POU2F1: variants seen among roughly 807,000 people sequenced by gnomAD.
POU2F1 encodes POU domain, class 2, transcription factor 1.
A neutral mutation model predicts 84.9 loss-of-function variants in POU2F1; 16 were observed. That is an observed-to-expected ratio of 0.19 (90% CI 0.13 to 0.29). The LOEUF is 0.29. POU2F1 is among the 10% of genes least tolerant of loss of function. The probability of loss-of-function intolerance (pLI) is 1.00; values close to 1 mark genes in which losing one functional copy is unlikely to be tolerated. For missense variants in POU2F1, 738 were observed against 942.6 expected, an observed-to-expected ratio of 0.78 and a Z score of 2.84; for synonymous variants, 368 against 368.3, an observed-to-expected ratio of 1.00 and a Z score of 0.01.
intron 1 of POU2F1, among the ~76,000 whole-genome samples, chr1:167,325,227 A>G (rs1656614547): frequency 6.6e-6 from 1 of 152,194 alleles, no homozygotes; most frequent in Non-Finnish European, 1.5e-5. Flanking sequence ...AAAGAGATGA[A>G]GGTTGGAAAG....
At chr1:167,297,957 T>TA (rs879907001) in intron 1 of POU2F1, among the ~76,000 whole-genome samples, 306 of 144,140 alleles carry the variant, frequency 2.1e-3, no homozygotes, top group Middle Eastern at 0.011. Flanking sequence ...CCGTCTCTAC[T>TA]AAAAAAAAAA....
chr1:167,389,552 G>T, intron 8 of POU2F1, 36 bp from the exon 9 acceptor site: 1 of 1,610,860 alleles, frequency 6.2e-7, no homozygotes, highest in African/African-American at 1.3e-5. Context: ...ATCTCTTCAC[G>T]TGTTTTTCCT....
chr1:167,310,156 A>G (rs1371769844), intron 1 of POU2F1, among the ~76,000 whole-genome samples: 3 of 152,198 alleles, frequency 2.0e-5, no homozygotes, highest in Non-Finnish European at 4.4e-5. Flanking sequence ...TAGCAAATAT[A>G]AAAAGAATAT....
Position 167,416,095 on chromosome 1 carries a change from A to C in POU2F1, c.*285A>C. The C allele has an allele frequency of 1.8e-6, 1 of 549,616 alleles. No individual in the cohort carries two copies. The allele number at this position is 549,616 out of a possible 1,614,324, so 34.0% of individuals were successfully genotyped here. A position where few individuals can be genotyped will look rare whatever the true frequency, so the allele number is the denominator to read the frequency against. On this transcript the variant is annotated 3_prime_UTR_variant, in exon 16 of 16. Coordinates refer to ENST00000367866, the MANE Select transcript of POU2F1 (RefSeq NM_002697.4). Reference sequence around the variant, plus strand: ...ACTTTCTAACCAAAAATTAAAAAAAAAAAAAAAAAAAGAAACAAAAAAATC... The same window carrying C: ...ACTTTCTAACCAAAAATTAAAAAAACAAAAAAAAAAAGAAACAAAAAAATC...
intron 1 of POU2F1, among the ~76,000 whole-genome samples, chr1:167,295,192 G>A (rs960456988): frequency 2.0e-5 from 3 of 151,830 alleles, no homozygotes; most frequent in African/African-American, 7.3e-5. Flanking sequence ...CTACCCAGAG[G>A]AAAAGAAATC....
chr1:167,312,142 T>G (rs1326650291), intron 1 of POU2F1, among the ~76,000 whole-genome samples: 3 of 151,970 alleles, frequency 2.0e-5, no homozygotes, highest in African/African-American at 7.3e-5. Context: ...TTCACCATTT[T>G]GGTCAGGCTG....
intron 1 of POU2F1, among the ~76,000 whole-genome samples, chr1:167,277,867 CCTGT>C (rs1384670297): frequency 9.9e-5 from 15 of 152,164 alleles, no homozygotes; most frequent in Admixed American, 2.0e-4. Context: ...TGTACTAAGG[CCTGT>C]CTATTTGACA....
chr1:167,317,428 C>A (rs1655983470), intron 1 of POU2F1, among the ~76,000 whole-genome samples: 1 of 152,194 alleles, frequency 6.6e-6, no homozygotes, highest in Non-Finnish European at 1.5e-5. Context: ...TAAAGACACA[C>A]ACACACAAAT....
At chr1:167,363,904 G>C (rs1163295956) in intron 2 of POU2F1, among the ~76,000 whole-genome samples, 3 of 152,160 alleles carry the variant, frequency 2.0e-5, no homozygotes, top group Non-Finnish European at 4.4e-5. Context: ...CGTTAGCACT[G>C]TCTTACAAAC....
chr1:167,243,605 A>G (rs1650078587), intron 1 of POU2F1, among the ~76,000 whole-genome samples: 1 of 152,160 alleles, frequency 6.6e-6, no homozygotes, highest in Non-Finnish European at 1.5e-5. Context: ...CCTCCCGAGT[A>G]GCTGGGATTA....
intron 2 of POU2F1, among the ~76,000 whole-genome samples, chr1:167,337,747 T>C (rs761336392): frequency 3.3e-5 from 5 of 150,302 alleles, no homozygotes; most frequent in Non-Finnish European, 5.9e-5. Context: ...AGAAAGGATA[T>C]CTGCCTGAAC....
chr1:167,229,332 G>A (rs1184409289), intron 1 of POU2F1, among the ~76,000 whole-genome samples: 1 of 152,124 alleles, frequency 6.6e-6, no homozygotes, highest in African/African-American at 2.4e-5. Context: ...GCCATTTGGG[G>A]AGTAAGTCAG....
At chr1:167,380,542 A>G (rs1232606300) in intron 7 of POU2F1, 1 of 152,240 alleles carries the variant, frequency 6.6e-6, no homozygotes, top group Admixed American at 6.5e-5. Flanking sequence ...AGATTATTCA[A>G]CAATGTAGAG....
intron 3 of POU2F1, among the ~76,000 whole-genome samples, chr1:167,369,888 A>G (rs1366952875): frequency 1.3e-5 from 2 of 152,326 alleles, no homozygotes; most frequent in Admixed American, 6.5e-5. Flanking sequence ...GGAGCATTCA[A>G]TACAAGTGTG....
intron 1 of POU2F1, among the ~76,000 whole-genome samples, chr1:167,238,477 A>T (rs1315070564): frequency 6.6e-6 from 1 of 152,102 alleles, no homozygotes; most frequent in African/African-American, 2.4e-5. Flanking sequence ...TATAAACAGG[A>T]CCCTATGTAA....
intron 1 of POU2F1, among the ~76,000 whole-genome samples, chr1:167,239,127 C>T (rs1649720250): frequency 6.6e-6 from 1 of 152,210 alleles, no homozygotes; most frequent in East Asian, 1.9e-4. Context: ...CTACCTATCC[C>T]TTCTACCAAA....
chr1:167,275,621 C>A (rs919153387), intron 1 of POU2F1, among the ~76,000 whole-genome samples: 1 of 152,058 alleles, frequency 6.6e-6, no homozygotes, highest in Non-Finnish European at 1.5e-5. Context: ...TTTGAATCAC[C>A]TGGCAGAACT....
intron 1 of POU2F1, among the ~76,000 whole-genome samples, chr1:167,293,305 A>G (rs1308957987): frequency 6.6e-6 from 1 of 152,240 alleles, no homozygotes; most frequent in Admixed American, 6.5e-5. Context: ...ATCAGTGTTT[A>G]CAAATCAGTA....
At chr1:167,276,456 A>G (rs377227861) in intron 1 of POU2F1, among the ~76,000 whole-genome samples, 3 of 152,158 alleles carry the variant, frequency 2.0e-5, no homozygotes, top group African/African-American at 7.2e-5. Flanking sequence ...ATAGGTATAT[A>G]TATATAGGAA....
Sources: allele counts gnomAD v4.1 joint callset (sites outside exome capture counted in the v4.1 genomes callset), GRCh38; gene constraint gnomAD v4.1.1; transcripts MANE v1.5; gene names NCBI Gene and HGNC (gene_info 2026-07-23, HGNC 2026-07-21).